Variants in PLS1 observed in about 807,000 individuals in gnomAD.
PLS1 encodes plastin 1, also known as plastin-1.
In PLS1, 32 loss-of-function variants were observed where a neutral mutation model predicts 73.7. The ratio of observed to expected loss-of-function variants is 0.43; its 90% CI spans 0.33 to 0.58. The LOEUF is 0.58. Among genes scored for constraint, PLS1 ranks in the 20% least tolerant of loss-of-function variants. The pLI, the probability that PLS1 is intolerant of heterozygous loss-of-function variation, is 0.04. For synonymous variants in PLS1, 217 were observed against 261.3 expected (o/e 0.83, Z 1.63); for missense variants, 633 against 740.5 (o/e 0.85, Z 1.68).
chr3:142,627,447 T>A (rs963085621), intron 1 of PLS1, among the ~76,000 whole-genome samples: 1 of 152,196 alleles, frequency 6.6e-6, no homozygotes, highest in Non-Finnish European at 1.5e-5. Context: ...TGAAAAGCTT[T>A]CTTACTCTTC....
chr3:142,618,845 C>G (rs939709644), intron 1 of PLS1, among the ~76,000 whole-genome samples: 2 of 152,118 alleles, frequency 1.3e-5, no homozygotes, highest in Non-Finnish European at 2.9e-5. Context: ...GACAATCTGC[C>G]TCATCTCAAG....
intron 9 of PLS1, 58 bp from the exon 10 acceptor site, chr3:142,689,560 C>T: frequency 2.1e-6 from 2 of 955,018 alleles, no homozygotes; most frequent in Non-Finnish European, 3.0e-6. Context: ...ACATGTATAC[C>T]AATAAAAATT....
Position 142,713,537 on chromosome 3 carries a change from TTA to T in PLS1, c.*1532_*1533del, listed in dbSNP as rs1933231664. ...TTGCTCTTTTATAAGATTATTTAAA[TTA>T]TGTTTCCCTCTGATTTTTTTTCACC... is the stretch of plus-strand genomic sequence containing the variant. On this transcript the variant is annotated 3_prime_UTR_variant, in exon 16 of 16. Transcript: ENST00000457734. The T allele has an allele frequency of 6.6e-6, 1 of 152,618 alleles. No individual in the cohort carries two copies. Among genetic ancestry groups the T allele is most frequent in the Non-Finnish European group, 1.5e-5 (1 of 68,008 alleles). The allele number at this position is 152,618 out of a possible 1,614,324, so 9.5% of individuals were successfully genotyped here.
intron 11 of PLS1, among the ~76,000 whole-genome samples, chr3:142,696,216 T>C (rs919834437): frequency 6.6e-6 from 1 of 152,252 alleles, no homozygotes; most frequent in Non-Finnish European, 1.5e-5. Context: ...TTGATACTCA[T>C]GTAATTATTT....
intron 1 of PLS1, among the ~76,000 whole-genome samples, chr3:142,662,417 G>C (rs369182422): frequency 6.6e-6 from 1 of 152,096 alleles, no homozygotes; most frequent in Non-Finnish European, 1.5e-5. Flanking sequence ...GGGTCTATTG[G>C]GGGGTAGGGG....
chr3:142,642,577 C>A (rs1314057198), intron 1 of PLS1, among the ~76,000 whole-genome samples: 1 of 152,194 alleles, frequency 6.6e-6, no homozygotes, highest in African/African-American at 2.4e-5. Context: ...TGTGGTCTGT[C>A]AGTCTGTGCC....
chr3:142,669,206 G>A (rs538319856), intron 2 of PLS1, among the ~76,000 whole-genome samples, 184 bp from the exon 3 acceptor site: 4 of 151,938 alleles, frequency 2.6e-5, no homozygotes, highest in Non-Finnish European at 5.9e-5. Flanking sequence ...GCTTAAATAC[G>A]AGTTTTTAAA....
intron 14 of PLS1, among the ~76,000 whole-genome samples, chr3:142,706,516 G>T (rs944501101): frequency 6.6e-6 from 1 of 152,148 alleles, no homozygotes; most frequent in Non-Finnish European, 1.5e-5. Flanking sequence ...GACATAAATT[G>T]GGTCAAGATT....
chr3:142,608,780 T>C (rs1009711187), intron 1 of PLS1, among the ~76,000 whole-genome samples: 1 of 152,224 alleles, frequency 6.6e-6, no homozygotes, highest in African/African-American at 2.4e-5. Context: ...ACAGCATACC[T>C]GTTGACTGCT....
At chr3:142,599,515 G>A (rs1489707410) in intron 1 of PLS1, among the ~76,000 whole-genome samples, 1 of 151,554 alleles carries the variant, frequency 6.6e-6, no homozygotes, top group Non-Finnish European at 1.5e-5. Context: ...ATTTTTAGTA[G>A]AGACGGGGTT....
In PLS1 at chr3:142,698,039, A is replaced by T; in HGVS notation, c.1343A>T (p.Tyr448Phe). ...TGGAGCCATGTCAACAAACCTCCTT[A>T]TCCTGCCCTTGGAGGGAACATGAAG... Reference protein sequence around the residue: ...VNWSHVNKPPYPALGGNMKKI... With the variant: ...VNWSHVNKPPFPALGGNMKKI... Residue 448 changes from tyrosine (Y) to phenylalanine (F), a missense_variant, in exon 12 of 16, where the codon TAT becomes TTT. Tyr to Phe is a conservative substitution (Grantham distance 22). Transcript: ENST00000457734. The T allele has an allele frequency of 6.2e-7, 1 of 1,604,612 alleles. No individual in the cohort carries two copies.
At chr3:142,666,368 A>G (rs947869143) in intron 2 of PLS1, among the ~76,000 whole-genome samples, 2 of 152,222 alleles carry the variant, frequency 1.3e-5, no homozygotes, top group African/African-American at 4.8e-5. Context: ...TACCCTAGGT[A>G]CCTCACATAA....
At chr3:142,666,720 A>G (rs1177382526) in intron 2 of PLS1, among the ~76,000 whole-genome samples, 1 of 152,128 alleles carries the variant, frequency 6.6e-6, no homozygotes, top group African/African-American at 2.4e-5. Flanking sequence ...AGAAACTACC[A>G]TACTGTTTTC....
At chr3:142,686,959 A>G (rs1308001687) in intron 9 of PLS1, among the ~76,000 whole-genome samples, 1 of 152,246 alleles carries the variant, frequency 6.6e-6, no homozygotes, top group Non-Finnish European at 1.5e-5. Context: ...TTTTTAAGCA[A>G]TCAATTATCA....
At chr3:142,624,100 C>T (rs78251941) in intron 1 of PLS1, among the ~76,000 whole-genome samples, 6,767 of 152,148 alleles carry the variant, frequency 0.044, 220 homozygotes, top group African/African-American at 0.091. Flanking sequence ...CATAGTAATA[C>T]AGAATATCTC....
At chr3:142,674,707 T>C (rs73230507) in intron 4 of PLS1, among the ~76,000 whole-genome samples, 512 of 152,246 alleles carry the variant, frequency 3.4e-3, no homozygotes, top group Non-Finnish European at 6.0e-3. Flanking sequence ...TGCTGGTATC[T>C]AGATTTGTGT....
chr3:142,677,901 C>T (rs562448699), intron 5 of PLS1, 131 bp from the exon 6 acceptor site: 35 of 465,406 alleles, frequency 7.5e-5, no homozygotes, highest in Non-Finnish European at 1.3e-4. Flanking sequence ...GCCACCATGC[C>T]TGGCTTACTG....
rs148724439 is a variant in PLS1, at chr3:142,608,540, G to A, written c.-37+12031G>A. On this transcript the variant is annotated intron_variant, in intron 1 of 15. Coordinates refer to ENST00000457734, the MANE Select transcript of PLS1 (RefSeq NM_001145319.2). ...AGGCTCAAAGAGGCTGTGTCATTTG[G>A]TCTGAGACTCACATAGCTTGTCAGT... Among the ~76,000 whole-genome samples the A allele has an allele frequency of 4.8e-4, 73 of 152,294 alleles. No individual in the cohort carries two copies. In the East Asian group the frequency reaches 0.012, roughly 25 times the overall value.
intron 1 of PLS1, among the ~76,000 whole-genome samples, chr3:142,618,219 T>C (rs751931380): frequency 9.5e-4 from 145 of 152,176 alleles, no homozygotes; most frequent in Non-Finnish European, 1.8e-3. Context: ...TAAGGAGAAC[T>C]GTAAAATCAA....
Sources: gnomAD v4.1 joint callset for allele counts (sites outside exome capture counted in the v4.1 genomes callset) on GRCh38, gnomAD v4.1.1 for gene constraint, MANE v1.5 for transcripts, NCBI Gene and HGNC (gene_info 2026-07-23, HGNC 2026-07-21) for gene names.